Variants in SLC6A4 observed in about 807,000 individuals in gnomAD.
SLC6A4 encodes the protein sodium-dependent serotonin transporter.
A neutral mutation model predicts 73.4 loss-of-function variants in SLC6A4; 22 were observed. The observed-to-expected ratio is 0.30, with a 90% confidence interval of 0.21 to 0.43. The LOEUF is 0.43. Among genes scored for constraint, SLC6A4 ranks in the 20% least tolerant of loss-of-function variants. The pLI is 1.00. For synonymous variants in SLC6A4, 270 were observed against 315.5 expected, an observed-to-expected ratio of 0.86 and a Z score of 1.53; for missense variants, 593 against 808.5, an observed-to-expected ratio of 0.73 and a Z score of 3.23.
At position 30,209,179 on chromosome 17, in the gene SLC6A4, C is replaced by T. The variant is rs1384899793; in HGVS notation, c.1513G>A (p.Ala505Thr). Residue 505 changes from alanine (A) to threonine (T), a missense_variant, in exon 12 of 15, where the codon GCG becomes ACG. By Grantham distance (58) the Ala-to-Thr change is moderately conservative (BLOSUM62 0). Coordinates refer to ENST00000650711, the MANE Select transcript of SLC6A4 (RefSeq NM_001045.6). Reference sequence around the variant, plus strand: ...GACACAGCGACTGCTTCGATCAGCGCGACAGTGAGCACTGCGGGCCCCGTG... The same window carrying T: ...GACACAGCGACTGCTTCGATCAGCGTGACAGTGAGCACTGCGGGCCCCGTG... ...YATGPAVLTV[A>T]LIEAVAVSWF... 6.2e-6 allele frequency: 10 copies of T among 1,613,788 alleles called. No homozygotes were observed. The highest frequency in any genetic ancestry group is 1.3e-5 in the African/African-American group (1 of 74,902).
Position 30,211,563 on chromosome 17 carries a change from A to T in SLC6A4, c.1205-139T>A. ...TGTGAATCAGGTTTTGACACACACCAAGTGCGTCCTCACACTCTACTCCGT... is the reference window on the plus strand; with the variant it reads ...TGTGAATCAGGTTTTGACACACACCTAGTGCGTCCTCACACTCTACTCCGT... On this transcript the variant is annotated intron_variant, in intron 9 of 14. Transcript: ENST00000650711. This position sits in a 1 kb window ranked among gnomAD's most constrained non-coding sequence, Gnocchi z 4.0. The T allele has an allele frequency of 1.5e-6, 1 of 649,430 alleles. No individual in the cohort carries two copies. Among genetic ancestry groups the T allele is most frequent in the Non-Finnish European group, 2.8e-6 (1 of 352,890 alleles). The allele number at this position is 649,430 out of a possible 1,614,324, so 40.2% of individuals were successfully genotyped here.
In SLC6A4 at chr17:30,235,680, C is replaced by G. The variant is rs1304927699; in HGVS notation, c.-288G>C. The G allele has an allele frequency of 2.0e-5, 3 of 152,394 alleles. No individual in the cohort carries two copies. The highest frequency in any genetic ancestry group is 7.2e-5 in the African/African-American group (3 of 41,568). 9.4% of individuals were successfully genotyped at this position (152,394 alleles called of 1,614,324 possible). On this transcript the variant is annotated 5_prime_UTR_variant, in exon 1 of 15. Transcript: ENST00000650711. This position sits in a 1 kb window ranked among gnomAD's most constrained non-coding sequence, Gnocchi z 4.5. ...GGGCTGGCCTCGCGCCCTCGAGGCACCCGGCGGCGCTGGCTGTGCGGAGGG... is the reference window on the plus strand; with the variant it reads ...GGGCTGGCCTCGCGCCCTCGAGGCAGCCGGCGGCGCTGGCTGTGCGGAGGG...
chr17:30,230,131 G>GGAAGAGGAA (rs1567824252), intron 1 of SLC6A4, among the ~76,000 whole-genome samples: 20 of 147,372 alleles, frequency 1.4e-4, no homozygotes, highest in African/African-American at 4.8e-4. Context: ...AAGAGGAGGA[G>GGAAGAGGAA]GAGGAGGAGG....
intron 9 of SLC6A4, 109 bp downstream of exon 9, chr17:30,212,631 G>T: frequency 7.4e-7 from 1 of 1,357,236 alleles, no homozygotes; most frequent in Non-Finnish European, 1.0e-6. Flanking sequence ...GCCTTCTTTG[G>T]AAAATTTCAG....
At chr17:30,225,907 C>T (rs1029486962) in intron 1 of SLC6A4, among the ~76,000 whole-genome samples, 3 of 152,204 alleles carry the variant, frequency 2.0e-5, no homozygotes, top group African/African-American at 7.2e-5. Context: ...AACTTCTGAT[C>T]GAATCTCCAT....
At chr17:30,201,923 T>C (rs1906048439) in intron 14 of SLC6A4, among the ~76,000 whole-genome samples, 1 of 151,936 alleles carries the variant, frequency 6.6e-6, no homozygotes, top group African/African-American at 2.4e-5. Context: ...GGCAACATAG[T>C]GAGATCTTGT....
intron 6 of SLC6A4, among the ~76,000 whole-genome samples, chr17:30,216,516 T>C (rs868641035): frequency 2.0e-5 from 3 of 151,864 alleles, no homozygotes; most frequent in South Asian, 2.1e-4. Context: ...GGCCAGTGTA[T>C]AAAAAGCACT....
rs779445705 is a variant in SLC6A4, at chr17:30,221,598, G to A, written c.343+18C>T. 1.0e-5 allele frequency: 16 copies of A among 1,597,544 alleles called. No individual in the cohort carries two copies. Among genetic ancestry groups the A allele is most frequent in the Middle Eastern group, 1.7e-4 (1 of 6,010 alleles). ...CCACCCTGGGTCACAGCCTCTACTC[G>A]CAGCCTGTGATACTGACCCCCTCCA... On this transcript the variant is annotated intron_variant, in intron 3 of 14. Coordinates refer to ENST00000650711, the MANE Select transcript of SLC6A4 (RefSeq NM_001045.6).
chr17:30,218,931 C>T lies in SLC6A4; in HGVS notation c.344G>A (p.Gly115Glu). The part of the protein sequence containing the change: ...FPYICYQNGG[G>E]AFLLPYTIMA... ...GATGGTGTAGGGGAGGAGGAATGCC[C>T]CTGAGGCAGATGAAAGACAATTTCA... Residue 115 changes from glycine (G) to glutamate (E), a missense_variant and splice_region_variant, in exon 4 of 15, where the codon GGG becomes GAG. Transcript: ENST00000650711. 3 of 1,613,980 alleles carry T rather than the reference C, an allele frequency of 1.9e-6. No homozygotes were observed. Among genetic ancestry groups the T allele is most frequent in the Non-Finnish European group, 2.5e-6 (3 of 1,180,012 alleles).
At chr17:30,213,499 C>T (rs1438398191) in intron 8 of SLC6A4, among the ~76,000 whole-genome samples, 3 of 151,872 alleles carry the variant, frequency 2.0e-5, no homozygotes, top group African/African-American at 7.3e-5. Context: ...GATGGGGTTT[C>T]CCCATGTTGG....
Position 30,221,942 on chromosome 17 carries a change from A to G in SLC6A4, c.17T>C (p.Leu6Ser), listed in dbSNP as rs1406941594. ...CGCTGATAGCTGCTTCTGAGAATTCAAGGGCGTCGTCTCCATCCTGCTGGT... is the reference window on the plus strand; with the variant it reads ...CGCTGATAGCTGCTTCTGAGAATTCGAGGGCGTCGTCTCCATCCTGCTGGT... METTP[L>S]NSQKQLSACE... Residue 6 changes from leucine (L) to serine (S), a missense_variant, in exon 3 of 15, where the codon TTG becomes TCG. Transcript: ENST00000650711. 1 of 1,614,120 alleles carries G rather than the reference A, an allele frequency of 6.2e-7. No homozygotes were observed.
chr17:30,203,535 A>G (rs1479396416), intron 13 of SLC6A4, 196 bp from the exon 14 acceptor site: 10 of 571,840 alleles, frequency 1.7e-5, no homozygotes, highest in Non-Finnish European at 2.8e-5. Flanking sequence ...TACACCAGCC[A>G]GGTGCTTTCC....
rs202024756 is a variant in SLC6A4, at chr17:30,222,133, T to A, written c.-123-52A>T. The A allele has an allele frequency of 1.4e-5, 17 of 1,203,504 alleles. No homozygotes were observed. The Admixed American group carries it at 3.2e-4, about 23-fold the overall frequency. 74.6% of individuals were successfully genotyped at this position (1,203,504 alleles called of 1,614,324 possible). A position where few individuals can be genotyped will look rare whatever the true frequency, so the allele number is the denominator to read the frequency against. On this transcript the variant is annotated intron_variant, in intron 2 of 14. Transcript: ENST00000650711. ...AGAAAAAAGTTAGACATTTTACTCA[T>A]CTTTGGTATTAACTCATCATACATC... is the stretch of plus-strand genomic sequence containing the variant.
At chr17:30,220,382 C>G (rs771371680) in intron 3 of SLC6A4, among the ~76,000 whole-genome samples, 27 of 152,328 alleles carry the variant, frequency 1.8e-4, no homozygotes, top group Middle Eastern at 3.4e-3. Flanking sequence ...TGCTCTCCCC[C>G]AGGTTCCCAT....
intron 8 of SLC6A4, among the ~76,000 whole-genome samples, chr17:30,214,600 G>A (rs1488118383): frequency 6.7e-6 from 1 of 148,160 alleles, no homozygotes; most frequent in African/African-American, 2.5e-5. Flanking sequence ...GCAGCTTTTT[G>A]TAAACTTGCT....
In SLC6A4 at chr17:30,221,838, C is replaced by G. The variant is rs140436169; in HGVS notation, c.121G>C (p.Gly41Arg). The G allele has an allele frequency of 2.5e-6, 4 of 1,614,178 alleles. No homozygotes were observed. Among genetic ancestry groups the G allele is most frequent in the South Asian group, 2.2e-5 (2 of 91,070 alleles). Residue 41 changes from glycine (G) to arginine (R), a missense_variant, in exon 3 of 15, where the codon GGG (glycine) becomes CGG (arginine). Transcript: ENST00000650711. ...GCTGAGTACCCATTGGATATTTGCCCGGACTCCACTTTGTCCCCTGGGGTG... is the reference window on the plus strand; with the variant it reads ...GCTGAGTACCCATTGGATATTTGCCGGGACTCCACTTTGTCCCCTGGGGTG... ...VPTPGDKVES[G>R]QISNGYSAVP...
In SLC6A4 at chr17:30,217,153, G is replaced by A. The variant is rs1221377148; in HGVS notation, c.837+13C>T. On this transcript the variant is annotated intron_variant, in intron 6 of 14. Transcript: ENST00000650711. ...CTGGGCAGGCCTGGGTCAGCAGCCA[G>A]AGCCTTCCTCACCTTGCCAGAGGTC... 6.2e-7 allele frequency: 1 copy of A among 1,612,010 alleles called. No homozygotes were observed. Among genetic ancestry groups the A allele is most frequent in the African/African-American group, 1.3e-5 (1 of 74,872 alleles).
chr17:30,223,976 T>C (rs1906850897), intron 1 of SLC6A4, among the ~76,000 whole-genome samples: 1 of 152,184 alleles, frequency 6.6e-6, no homozygotes, highest in South Asian at 2.1e-4. Flanking sequence ...TATTACATGA[T>C]GAGATGTCAA....
intron 12 of SLC6A4, 118 bp from the exon 13 acceptor site, chr17:30,207,950 G>A (rs58130849): frequency 1.4e-4 from 99 of 703,354 alleles, no homozygotes; most frequent in Middle Eastern, 1.2e-3. Flanking sequence ...ATGACAAGGG[G>A]AAATGACAAG....
Sources: gnomAD v4.1 joint callset for allele counts (sites outside exome capture counted in the v4.1 genomes callset) on GRCh38, gnomAD v4.1.1 for gene constraint, Gnocchi (gnomAD v3.1) non-coding constraint, MANE v1.5 for transcripts, NCBI Gene and HGNC (gene_info 2026-07-23, HGNC 2026-07-21) for gene names.